The following PDE1A variants were observed in gnomAD, a reference collection of about 807,000 sequenced individuals.
PDE1A encodes phosphodiesterase 1A.
Under a neutral mutation model 61.7 loss-of-function variants are expected in PDE1A, and 35 were observed. That is an observed-to-expected ratio of 0.57 (90% confidence interval 0.43 to 0.75). PDE1A has a LOEUF of 0.75. Ranked by LOEUF, PDE1A falls within the 30% of genes least tolerant of loss-of-function variation. PDE1A has a pLI of 0.00. For missense variants in PDE1A, 597 were observed against 630.6 expected (o/e 0.95, Z 0.57); for synonymous variants, 232 against 213.2 (o/e 1.09, Z -0.77).
At chr2:182,661,100 G>A in the PDE1A span, among the ~76,000 whole-genome samples, 1 of 152,196 alleles carries the variant, frequency 6.6e-6, no homozygotes, top group Non-Finnish European at 1.5e-5. Flanking sequence ...TACGCCTAGT[G>A]AGTTGACATT....
chr2:182,589,738 G>A, the PDE1A span, among the ~76,000 whole-genome samples: 218 of 152,242 alleles, frequency 1.4e-3, no homozygotes, highest in African/African-American at 4.1e-3. Context: ...CCTACAAATC[G>A]AGAATACTCT....
intron 2 of PDE1A, among the ~76,000 whole-genome samples, chr2:182,496,583 AG>A (rs1289667043): frequency 6.6e-6 from 1 of 152,242 alleles, no homozygotes; most frequent in East Asian, 1.9e-4. Flanking sequence ...AACGTGAATT[AG>A]GTACTGCCAA....
At chr2:182,251,569 T>C (rs1691405771) in intron 2 of PDE1A, among the ~76,000 whole-genome samples, 1 of 152,212 alleles carries the variant, frequency 6.6e-6, no homozygotes, top group African/African-American at 2.4e-5. Context: ...CCCAGCACCC[T>C]GGTTTAACAA....
At chr2:182,510,394 A>G (rs1689707617) in intron 2 of PDE1A, among the ~76,000 whole-genome samples, 1 of 152,196 alleles carries the variant, frequency 6.6e-6, no homozygotes, top group Non-Finnish European at 1.5e-5. Context: ...GTTAATTAAG[A>G]CTTTCTTTCA....
chr2:182,436,114 T>C (rs2125655478), intron 2 of PDE1A, among the ~76,000 whole-genome samples: 1 of 152,150 alleles, frequency 6.6e-6, no homozygotes, highest in South Asian at 2.1e-4. Flanking sequence ...ACTTATTACC[T>C]TTCTAAAATA....
At chr2:182,478,812 C>T (rs1039961365) in intron 2 of PDE1A, among the ~76,000 whole-genome samples, 2 of 152,010 alleles carry the variant, frequency 1.3e-5, no homozygotes, top group South Asian at 2.1e-4. Context: ...AGAGTGAACA[C>T]TTCACATCTC....
the PDE1A span, among the ~76,000 whole-genome samples, chr2:182,539,552 C>T: frequency 6.6e-6 from 1 of 152,172 alleles, no homozygotes; most frequent in South Asian, 2.1e-4. Context: ...TTAAAGCTAT[C>T]TATGGGAATA....
intron 2 of PDE1A, chr2:182,522,268 A>G (rs1204642624): frequency 1.2e-6 from 2 of 1,608,330 alleles, no homozygotes. Flanking sequence ...AGCAAAGAGC[A>G]TACTCACATT....
At chr2:182,648,537 A>T in the PDE1A span, among the ~76,000 whole-genome samples, 1 of 148,536 alleles carries the variant, frequency 6.7e-6, no homozygotes, top group Admixed American at 6.7e-5. Context: ...AAAAAAAATT[A>T]AAAAAATTAC....
chr2:182,284,218 A>G lies in PDE1A; in HGVS notation c.54-19804T>C, dbSNP rs560276269. Reference sequence around the variant, plus strand: ...TAGTTTGAGGAGTCTGTGTCTTACAATACATGAAAGATTTCAAGAAATTGT... The same window carrying G: ...TAGTTTGAGGAGTCTGTGTCTTACAGTACATGAAAGATTTCAAGAAATTGT... On this transcript the variant is annotated intron_variant, in intron 1 of 13. Transcript: ENST00000351439. Among the ~76,000 whole-genome samples, 367 of 152,272 alleles carry G rather than the reference A, an allele frequency of 2.4e-3. 1 individual carries two copies. Among genetic ancestry groups the G allele is most frequent in the African/African-American group, 8.6e-3 (356 of 41,572 alleles).
the PDE1A span, among the ~76,000 whole-genome samples, chr2:182,713,727 T>C: frequency 6.6e-6 from 1 of 152,202 alleles, no homozygotes. Context: ...GCCTCTTTCT[T>C]TTTTGGCTTC....
intron 2 of PDE1A, among the ~76,000 whole-genome samples, chr2:182,440,275 T>C (rs1178488527): frequency 6.6e-6 from 1 of 152,092 alleles, no homozygotes; most frequent in Non-Finnish European, 1.5e-5. Context: ...TGTGTTTCAT[T>C]GGCTCAAAAT....
chr2:182,309,395 C>A (rs1411379594), intron 1 of PDE1A, among the ~76,000 whole-genome samples: 3 of 152,046 alleles, frequency 2.0e-5, no homozygotes, highest in African/African-American at 7.2e-5. Context: ...ATTGCACTTA[C>A]ACCTAACCAA....
chr2:182,494,012 T>C (rs1245874502), intron 2 of PDE1A, among the ~76,000 whole-genome samples: 1 of 152,228 alleles, frequency 6.6e-6, no homozygotes, highest in Admixed American at 6.5e-5. Context: ...TGAACAATTA[T>C]ATAAACAGAG....
At chr2:182,258,976 A>G (rs1692021493) in intron 2 of PDE1A, among the ~76,000 whole-genome samples, 1 of 152,080 alleles carries the variant, frequency 6.6e-6, no homozygotes. Flanking sequence ...TGCCTGCACA[A>G]TTTTGCTCCT....
chr2:182,171,772 C>A (rs952057199), intron 13 of PDE1A, among the ~76,000 whole-genome samples: 2 of 151,038 alleles, frequency 1.3e-5, no homozygotes, highest in Admixed American at 6.7e-5. Flanking sequence ...GAGAGCGGCA[C>A]CAGAATGAGA....
chr2:182,707,869 G>A, the PDE1A span, among the ~76,000 whole-genome samples: 2 of 152,168 alleles, frequency 1.3e-5, no homozygotes, highest in Non-Finnish European at 2.9e-5. Context: ...TAGCAGGGAG[G>A]AGAGAATAAG....
At chr2:182,682,570 G>C in the PDE1A span, among the ~76,000 whole-genome samples, 1 of 152,122 alleles carries the variant, frequency 6.6e-6, no homozygotes, top group East Asian at 1.9e-4. Flanking sequence ...ACTTTCTCAA[G>C]TTCTAAGACT....
intron 2 of PDE1A, among the ~76,000 whole-genome samples, chr2:182,255,663 T>TC (rs1691727322): frequency 2.0e-5 from 3 of 149,526 alleles, no homozygotes; most frequent in South Asian, 2.1e-4. Context: ...TCTTTTCTTT[T>TC]TTTTTTTTTT....
Sources: gnomAD v4.1 joint callset for allele counts (sites outside exome capture counted in the v4.1 genomes callset) on GRCh38, gnomAD v4.1.1 for gene constraint, MANE v1.5 for transcripts, NCBI Gene and HGNC (gene_info 2026-07-23, HGNC 2026-07-21) for gene names.